The following EIF4G2 variants were observed in gnomAD, a reference collection of about 807,000 sequenced individuals.
The protein encoded by EIF4G2 is DAP-5.
EIF4G2 carries 8 observed loss-of-function variants against 117.7 expected under a neutral mutation model. The observed-to-expected ratio is 0.07, with a 90% CI of 0.04 to 0.12. EIF4G2 has a LOEUF of 0.12. Ranked by LOEUF, EIF4G2 falls within the 10% of genes least tolerant of loss-of-function variation. The probability of loss-of-function intolerance (pLI) is 1.00; values close to 1 mark genes in which losing one functional copy is unlikely to be tolerated. For missense variants in EIF4G2, 812 were observed against 1,086.2 expected (o/e 0.75, Z 3.55); for synonymous variants, 413 against 367.8 (o/e 1.12, Z -1.41).
chr11:10,801,602 C>A, intron 14 of EIF4G2, 59 bp downstream of exon 14: 2 of 1,451,244 alleles, frequency 1.4e-6, no homozygotes, highest in Non-Finnish European at 1.9e-6. Context: ...TTATAATCAT[C>A]GGGCAATAAA....
In EIF4G2 at chr11:10,800,502, T is replaced by A. The variant is rs1055646538; in HGVS notation, c.1790A>T (p.Lys597Ile). ...ACTGATCAAAGAACTTGCTTTTTCTTTATCTTCATCGCTTCTATCTAGTGA... is the reference window on the plus strand; with the variant it reads ...ACTGATCAAAGAACTTGCTTTTTCTATATCTTCATCGCTTCTATCTAGTGA... Residue 597 changes from lysine to isoleucine, a missense_variant, in exon 17 of 22, where the codon AAA becomes ATA. This residue lies in a region of EIF4G2 where 571 missense variants were observed against 642.3 expected (regional missense o/e 0.89). Coordinates refer to ENST00000339995, the MANE Select transcript of EIF4G2 (RefSeq NM_001418.4). 5.0e-6 allele frequency: 8 copies of A among 1,614,192 alleles called. No homozygotes were observed. Among genetic ancestry groups the A allele is most frequent in the Non-Finnish European group, 6.8e-6 (8 of 1,180,032 alleles).
Position 10,807,358 on chromosome 11 carries a change from G to C in EIF4G2, c.-63C>G. The stretch of plus-strand genomic sequence containing the variant: ...ATATTAATAGATGGGGTGGGGAGGG[G>C]AGGGGACAGGAGAAATGAAATACCT... On this transcript the variant is annotated 5_prime_UTR_variant, in exon 2 of 22. Coordinates refer to ENST00000339995, the MANE Select transcript of EIF4G2 (RefSeq NM_001418.4). 1.3e-6 allele frequency: 2 copies of C among 1,580,810 alleles called. No homozygotes were observed. Among genetic ancestry groups the C allele is most frequent in the Non-Finnish European group, 1.7e-6 (2 of 1,161,134 alleles).
In EIF4G2 at chr11:10,807,901, G is replaced by C. The variant is rs1847633278; in HGVS notation, c.-86-520C>G. The C allele has an allele frequency of 7.9e-6, 8 of 1,012,130 alleles. No homozygotes were observed. The South Asian group carries it at 2.9e-4, about 37-fold the overall frequency. The allele number at this position is 1,012,130 out of a possible 1,614,324, so 62.7% of individuals were successfully genotyped here. On this transcript the variant is annotated intron_variant, in intron 1 of 21. Transcript: ENST00000339995. ...TAGCACTTGCAGGCGGAAGACCAGG[G>C]CCACAACATGGCAGCAGGAACCTCC...
rs373509362 is a variant in EIF4G2 at position 10,802,355 on chromosome 11, G to A, written c.1077C>T (p.Pro359=). The change falls in exon 12 of 22, where the codon CCC becomes CCT. Residue 359 remains proline, a synonymous_variant. Transcript: ENST00000339995. ...GTGGGTCCCTATCCATTTTCATCCT[G>A]GGTGGCATGAACGGTCCCTCCAGAA... is the stretch of plus-strand genomic sequence containing the variant. 12 of 1,613,936 alleles carry A rather than the reference G, an allele frequency of 7.4e-6. No individual in the cohort carries two copies. Among genetic ancestry groups the A allele is most frequent in the Non-Finnish European group, 1.0e-5 (12 of 1,179,972 alleles).
Position 10,803,635 on chromosome 11 carries a change from G to C in EIF4G2, c.703-45C>G. On this transcript the variant is annotated intron_variant, in intron 8 of 21. Transcript: ENST00000339995. This position sits in a 1 kb window ranked among gnomAD's most constrained non-coding sequence, Gnocchi z 4.0. ...TGGTGACAAAGTTTTAGTTACTCTGGTTTAGGCGTAGTACTTTCTTTCCCT... is the reference window on the plus strand; with the variant it reads ...TGGTGACAAAGTTTTAGTTACTCTGCTTTAGGCGTAGTACTTTCTTTCCCT... The C allele has an allele frequency of 6.6e-7, 1 of 1,511,162 alleles. No individual in the cohort carries two copies. The highest frequency in any genetic ancestry group is 9.2e-7 in the Non-Finnish European group (1 of 1,091,420). 93.6% of individuals were successfully genotyped at this position (1,511,162 alleles called of 1,614,324 possible). A position where few individuals can be genotyped will look rare whatever the true frequency, so the allele number is the denominator to read the frequency against.
intron 21 of EIF4G2, 21 bp downstream of exon 21, chr11:10,798,971 A>C: frequency 6.3e-7 from 1 of 1,585,338 alleles, no homozygotes; most frequent in Non-Finnish European, 8.5e-7. Context: ...AAGCAGACCA[A>C]ATTTTTAACA....
At position 10,803,567 on chromosome 11, in the gene EIF4G2, G is replaced by A. The variant is rs775453797; in HGVS notation, c.726C>T (p.Val242=). ...AATCCTCTCCCATATCTTTGAGTTG[G>A]ACTCTCTTCTTCTTTTCCAAAAGCT... The change falls in exon 9 of 22, where the codon GTC becomes GTT. Residue 242 remains valine, a synonymous_variant. Transcript: ENST00000339995. This position sits in a 1 kb window ranked among gnomAD's most constrained non-coding sequence, Gnocchi z 4.0. The A allele has an allele frequency of 6.2e-7, 1 of 1,613,864 alleles. No individual in the cohort carries two copies. Among genetic ancestry groups the A allele is most frequent in the East Asian group, 2.2e-5 (1 of 44,870 alleles).
In EIF4G2 at chr11:10,803,011, A is replaced by G. The variant is rs1236415853; in HGVS notation, c.996+19T>C. 3.7e-6 allele frequency: 6 copies of G among 1,604,058 alleles called. No individual in the cohort carries two copies. The highest frequency in any genetic ancestry group is 1.3e-5 in the African/African-American group (1 of 74,582). ...ACACACAGAGTCTATGTGACAAACA[A>G]AACAAAACCCAATCTTACTTTTACT... On this transcript the variant is annotated intron_variant, in intron 11 of 21. Transcript: ENST00000339995. The surrounding 1 kb of genome is among the most constrained non-coding windows in gnomAD (Gnocchi z 4.0).
rs929349380 is a variant in EIF4G2, at chr11:10,797,630, G to T, written c.*186C>A. ...AAAGATACTCCTAAAATATTTGATG[G>T]TAGACTATGATTAAGACATTACACT... is the stretch of plus-strand genomic sequence containing the variant. On this transcript the variant is annotated 3_prime_UTR_variant, in exon 22 of 22. Transcript: ENST00000339995. The surrounding 1 kb of genome is among the most constrained non-coding windows in gnomAD (Gnocchi z 4.5). The T allele has an allele frequency of 1.6e-6, 1 of 611,978 alleles. No homozygotes were observed. Among genetic ancestry groups the T allele is most frequent in the Non-Finnish European group, 2.9e-6 (1 of 346,156 alleles). The allele number at this position is 611,978 out of a possible 1,614,324, so 37.9% of individuals were successfully genotyped here.
intron 21 of EIF4G2, chr11:10,798,609 C>A (rs1847330174): frequency 6.2e-6 from 1 of 162,532 alleles, no homozygotes; most frequent in Admixed American, 5.9e-5. Flanking sequence ...GTCTTGAACT[C>A]CTGAGCTCAA....
chr11:10,798,866 T>C, intron 21 of EIF4G2, 126 bp downstream of exon 21: 2 of 1,089,436 alleles, frequency 1.8e-6, no homozygotes, highest in South Asian at 1.6e-5. Context: ...GAATGAAATG[T>C]ACAGGTGAAG....
rs1034798947 is a variant in EIF4G2 at position 10,797,428 on chromosome 11, C to T, written c.*388G>A. On this transcript the variant is annotated 3_prime_UTR_variant, in exon 22 of 22. Coordinates refer to ENST00000339995, the MANE Select transcript of EIF4G2 (RefSeq NM_001418.4). This position sits in a 1 kb window ranked among gnomAD's most constrained non-coding sequence, Gnocchi z 4.5. ...CCAAATGGATAATCAAATATTGCAA[C>T]AACTCAAGTATTACTGAGCAAAGTG... 6.0e-6 allele frequency: 1 copy of T among 167,708 alleles called. No individual in the cohort carries two copies. The highest frequency in any genetic ancestry group is 1.3e-5 in the Non-Finnish European group (1 of 77,882). The allele number at this position is 167,708 out of a possible 1,614,324, so 10.4% of individuals were successfully genotyped here.
intron 5 of EIF4G2, chr11:10,804,706 C>CCA: frequency 1.7e-6 from 1 of 603,116 alleles, no homozygotes. Context: ...ACCTCTTCAA[C>CCA]CATACCATGA....
chr11:10,804,631 T>G (rs904859603), intron 5 of EIF4G2: 7 of 647,202 alleles, frequency 1.1e-5, no homozygotes, highest in Admixed American at 3.2e-5. Flanking sequence ...TACAATGCAT[T>G]TCCAAGACCT....
In EIF4G2 at chr11:10,802,408, T is replaced by C. The variant is rs1564982970; in HGVS notation, c.1024A>G (p.Met342Val). 3 of 1,610,852 alleles carry C rather than the reference T, an allele frequency of 1.9e-6. No homozygotes were observed. The highest frequency in any genetic ancestry group is 2.2e-5 in the East Asian group (1 of 44,880). The change falls in exon 12 of 22, where the codon ATG (methionine) becomes GTG (valine). Residue 342 changes from methionine (M) to valine (V), a missense_variant. Met to Val is a conservative substitution (Grantham distance 21, BLOSUM62 1). Around this residue, in one of 4 missense-constraint regions of EIF4G2, gnomAD observed 571 missense variants for 642.3 expected, o/e 0.89. Transcript: ENST00000339995. ...AAGTCACTTCTCATCCCTTGAGCCA[T>C]AGGAGCAGGAATAAACACCCCTAGA...
intron 11 of EIF4G2, 111 bp downstream of exon 11, chr11:10,802,919 A>G: frequency 1.2e-6 from 1 of 864,486 alleles, no homozygotes; most frequent in Non-Finnish European, 1.8e-6. Context: ...ATTAAGCTCC[A>G]CCACTAAGAT....
At chr11:10,802,554 G>T (rs1203517929) in intron 11 of EIF4G2, 119 bp from the exon 12 acceptor site, 5 of 1,321,052 alleles carry the variant, frequency 3.8e-6, no homozygotes, top group Non-Finnish European at 5.1e-6. Context: ...TGTTATTTCT[G>T]TAAATAACTT....
chr11:10,803,463 A>G lies in EIF4G2; in HGVS notation c.813+17T>C. On this transcript the variant is annotated intron_variant, in intron 9 of 21. Transcript: ENST00000339995. This position sits in a 1 kb window ranked among gnomAD's most constrained non-coding sequence, Gnocchi z 4.0. ...AAGACAAACTACTTGTACTACTTTCATCAGCTACACACGTACCTTGGCTCG... is the reference window on the plus strand; with the variant it reads ...AAGACAAACTACTTGTACTACTTTCGTCAGCTACACACGTACCTTGGCTCG... 1 of 1,607,218 alleles carries G rather than the reference A, an allele frequency of 6.2e-7. No homozygotes were observed. The highest frequency in any genetic ancestry group is 1.7e-4 in the Middle Eastern group (1 of 6,052).
chr11:10,803,240 A>G lies in EIF4G2; in HGVS notation c.868T>C (p.Leu290=), dbSNP rs1002846545. ...AGCAGGAAACGAATCCTTGCTGGCA[A>G]TTCCTTACTTAACATCAAGGAGCAC... is the stretch of plus-strand genomic sequence containing the variant. The change falls in exon 10 of 22, where the codon TTG becomes CTG. Residue 290 remains leucine, a synonymous_variant. Transcript: ENST00000339995. The surrounding 1 kb of genome is among the most constrained non-coding windows in gnomAD (Gnocchi z 4.0). 46 of 1,613,988 alleles carry G rather than the reference A, an allele frequency of 2.9e-5. No individual in the cohort carries two copies. Among genetic ancestry groups the G allele is most frequent in the Non-Finnish European group, 3.7e-5 (44 of 1,180,022 alleles).
Sources: allele counts gnomAD v4.1 joint callset, GRCh38; gene constraint gnomAD v4.1.1; regional missense constraint gnomAD v4.1.1; non-coding constraint Gnocchi (gnomAD v3.1); transcripts MANE v1.5; gene names NCBI Gene and HGNC (gene_info 2026-07-23, HGNC 2026-07-21).